NEDD4L: variants seen among roughly 807,000 people sequenced by gnomAD.
NEDD4L encodes the protein NEDD4 like E3 ubiquitin protein ligase.
In NEDD4L, 54 loss-of-function variants were observed where a neutral mutation model predicts 148.9. That is an observed-to-expected ratio of 0.36 (90% confidence interval 0.29 to 0.45). The LOEUF is 0.45. Ranked by LOEUF, NEDD4L falls within the 20% of genes least tolerant of loss-of-function variation. The pLI is 1.00. For synonymous variants in NEDD4L, 433 were observed against 440.7 expected (o/e 0.98, Z 0.22); for missense variants, 856 against 1,233.8 (o/e 0.69, Z 4.59).
At position 58,256,534 on chromosome 18, in the gene NEDD4L, G is replaced by A. The variant is rs951860857; in HGVS notation, c.297+4480G>A. 3.2e-6 allele frequency: 4 copies of A among 1,232,188 alleles called. No individual in the cohort carries two copies. The highest frequency in any genetic ancestry group is 4.1e-5 in the South Asian group (1 of 24,332). The allele number at this position is 1,232,188 out of a possible 1,614,324, so 76.3% of individuals were successfully genotyped here. On this transcript the variant is annotated intron_variant, in intron 5 of 30. Coordinates refer to ENST00000400345, the MANE Select transcript of NEDD4L (RefSeq NM_001144967.3). The surrounding 1 kb of genome is among the most constrained non-coding windows in gnomAD (Gnocchi z 5.2). Reference sequence around the variant, plus strand: ...CCCGAAGCGAGCGAGGGAGCCCCACGGAAGATCGGGGAGCCCTGGAGGCAT... The same window carrying A: ...CCCGAAGCGAGCGAGGGAGCCCCACAGAAGATCGGGGAGCCCTGGAGGCAT...
chr18:58,240,797 G>A (rs2046535424), intron 2 of NEDD4L, among the ~76,000 whole-genome samples: 1 of 148,652 alleles, frequency 6.7e-6, no homozygotes, highest in Non-Finnish European at 1.5e-5. Context: ...TGAGGAGGAT[G>A]ATGGCGGCAG....
intron 2 of NEDD4L, among the ~76,000 whole-genome samples, chr18:58,226,633 CCTGGGGACAG>C (rs563190227): frequency 5.5e-4 from 84 of 152,236 alleles, no homozygotes; most frequent in African/African-American, 2.0e-3. Context: ...CTGTGTTGTG[CCTGGGGACAG>C]GGAAGGCTTT....
At chr18:58,301,940 T>C (rs1456366730) in intron 5 of NEDD4L, among the ~76,000 whole-genome samples, 1 of 152,142 alleles carries the variant, frequency 6.6e-6, no homozygotes, top group African/African-American at 2.4e-5. Flanking sequence ...CACTTGGAAG[T>C]GTGATGGAAC....
intron 1 of NEDD4L, among the ~76,000 whole-genome samples, chr18:58,115,424 TAGG>T (rs915753399): frequency 2.6e-5 from 4 of 152,050 alleles, no homozygotes; most frequent in African/African-American, 9.7e-5. Context: ...TTAGGAAACA[TAGG>T]AGGTTAGTTG....
chr18:58,294,879 A>G (rs2055333798), intron 5 of NEDD4L, among the ~76,000 whole-genome samples: 1 of 152,234 alleles, frequency 6.6e-6, no homozygotes, highest in South Asian at 2.1e-4. Context: ...TAAAATAACA[A>G]TAAAAACAGA....
At chr18:58,136,144 G>A (rs966281702) in intron 1 of NEDD4L, among the ~76,000 whole-genome samples, 17 of 152,132 alleles carry the variant, frequency 1.1e-4, no homozygotes, top group African/African-American at 3.9e-4. Flanking sequence ...TGTTTCATGT[G>A]TTATTATTGT....
In NEDD4L at chr18:58,256,295, G is replaced by T; in HGVS notation, c.297+4241G>T. 1 of 1,231,636 alleles carries T rather than the reference G, an allele frequency of 8.1e-7. No homozygotes were observed. The highest frequency in any genetic ancestry group is 1.0e-6 in the Non-Finnish European group (1 of 987,794). 76.3% of individuals were successfully genotyped at this position (1,231,636 alleles called of 1,614,324 possible). A position where few individuals can be genotyped will look rare whatever the true frequency, so the allele number is the denominator to read the frequency against. On this transcript the variant is annotated intron_variant, in intron 5 of 30. Transcript: ENST00000400345. This position sits in a 1 kb window ranked among gnomAD's most constrained non-coding sequence, Gnocchi z 5.2. ...CCCCGATGGCCAGGGCGGCCCGGCC[G>T]CGGCAGAGCCCAGGCGCTGGTCCCT...
In NEDD4L at chr18:58,329,082, C is replaced by T. The variant is rs183766749; in HGVS notation, c.768C>T (p.Ser256=). ...GCTTCCGCTCCCGCAGGCACATCAG[C>T]GAAGACTTGGAGCCCGAGCCCTCGG... The part of the protein sequence containing the change: ...HRRFRSRRHI[S]EDLEPEPSEG... Residue 256 remains serine, a synonymous_variant, in exon 10 of 31, where the codon AGC becomes AGT. Coordinates refer to ENST00000400345, the MANE Select transcript of NEDD4L (RefSeq NM_001144967.3). 2.5e-5 allele frequency: 40 copies of T among 1,614,014 alleles called. No homozygotes were observed. The East Asian group carries it at 4.9e-4, about 20-fold the overall frequency.
chr18:58,375,160 C>T (rs954603331), intron 24 of NEDD4L, among the ~76,000 whole-genome samples: 1 of 152,130 alleles, frequency 6.6e-6, no homozygotes, highest in Non-Finnish European at 1.5e-5. Context: ...CTCCCCGTGC[C>T]CAGGCTTGCT....
At chr18:58,269,164 A>C (rs1333032133) in intron 5 of NEDD4L, among the ~76,000 whole-genome samples, 1 of 152,016 alleles carries the variant, frequency 6.6e-6, no homozygotes, top group Non-Finnish European at 1.5e-5. Flanking sequence ...AGACTTGCCC[A>C]AAGTGGGGGA....
chr18:58,382,832 G>C (rs1369588051), intron 24 of NEDD4L, among the ~76,000 whole-genome samples: 1 of 152,152 alleles, frequency 6.6e-6, no homozygotes, highest in South Asian at 2.1e-4. Flanking sequence ...GAAATACCAT[G>C]CATCCTTTTT....
intron 5 of NEDD4L, among the ~76,000 whole-genome samples, chr18:58,259,257 A>G (rs1416146150): frequency 1.3e-5 from 2 of 152,146 alleles, no homozygotes; most frequent in Non-Finnish European, 2.9e-5. Context: ...TACAGGGGAA[A>G]CCCTTGTGAT....
intron 5 of NEDD4L, among the ~76,000 whole-genome samples, chr18:58,254,858 G>A (rs2048327361): frequency 1.3e-5 from 2 of 152,158 alleles, no homozygotes; most frequent in African/African-American, 4.8e-5. Context: ...TAGCTATTTT[G>A]TTACTTGTAG....
intron 1 of NEDD4L, among the ~76,000 whole-genome samples, chr18:58,091,957 A>G (rs2084098508): frequency 6.6e-6 from 1 of 152,248 alleles, no homozygotes; most frequent in African/African-American, 2.4e-5. Flanking sequence ...CCCACTGGCC[A>G]TCACTCTTGC....
intron 5 of NEDD4L, among the ~76,000 whole-genome samples, chr18:58,260,864 T>C (rs2049277155): frequency 6.6e-6 from 1 of 152,220 alleles, no homozygotes. Flanking sequence ...TGCAGTTCAC[T>C]AGCTTTTGGT....
intron 2 of NEDD4L, among the ~76,000 whole-genome samples, chr18:58,240,701 G>A (rs116747055): frequency 0.013 from 1,934 of 152,166 alleles, 31 homozygotes; most frequent in African/African-American, 0.044. Flanking sequence ...TGGCGCGGAG[G>A]CCTTCCGTTG....
At chr18:58,354,174 A>G (rs564238903) in intron 18 of NEDD4L, among the ~76,000 whole-genome samples, 3 of 152,332 alleles carry the variant, frequency 2.0e-5, no homozygotes, top group African/African-American at 4.8e-5. Context: ...CTGAATCTCT[A>G]CATCTTGTAG....
intron 1 of NEDD4L, chr18:58,149,417 A>C: frequency 6.6e-7 from 1 of 1,510,842 alleles, no homozygotes; most frequent in Non-Finnish European, 8.9e-7. Context: ...GTCACCCGGC[A>C]GTGGAAAGTT....
intron 5 of NEDD4L, among the ~76,000 whole-genome samples, chr18:58,288,248 C>T (rs762313658): frequency 3.9e-4 from 60 of 152,180 alleles, no homozygotes; most frequent in African/African-American, 1.3e-3. Flanking sequence ...TGCTGAAAGC[C>T]GGATTCTCTG....
Sources: gnomAD v4.1 joint callset for allele counts (sites outside exome capture counted in the v4.1 genomes callset) on GRCh38, gnomAD v4.1.1 for gene constraint, Gnocchi (gnomAD v3.1) non-coding constraint, MANE v1.5 for transcripts, NCBI Gene and HGNC (gene_info 2026-07-23, HGNC 2026-07-21) for gene names.